Variants in THSD7B observed in about 807,000 individuals in gnomAD.
THSD7B encodes thrombospondin type-1 domain-containing protein 7B.
Under a neutral mutation model 213.6 loss-of-function variants are expected in THSD7B, and 138 were observed. The observed-to-expected ratio is 0.65, with a 90% CI of 0.56 to 0.74. THSD7B has a LOEUF of 0.74. Among genes scored for constraint, THSD7B ranks in the 30% least tolerant of loss-of-function variants. The probability of loss-of-function intolerance (pLI) is 0.00; values close to 1 mark genes in which losing one functional copy is unlikely to be tolerated. For synonymous variants in THSD7B, 742 were observed against 687.0 expected (o/e 1.08, Z -1.25); for missense variants, 1,931 against 1,991.5 (o/e 0.97, Z 0.58).
chr2:136,864,579 G>T (rs1683303430), intron 1 of THSD7B, among the ~76,000 whole-genome samples: 1 of 150,424 alleles, frequency 6.6e-6, no homozygotes, highest in African/African-American at 2.4e-5. Flanking sequence ...TTGAGACAGA[G>T]TCTCACTCTG....
intron 11 of THSD7B, among the ~76,000 whole-genome samples, chr2:137,273,605 A>G (rs928641029): frequency 2.0e-5 from 3 of 152,110 alleles, no homozygotes; most frequent in African/African-American, 4.8e-5. Context: ...GGGCTAATTT[A>G]TTTGGGAAAA....
intron 10 of THSD7B, among the ~76,000 whole-genome samples, chr2:137,253,848 G>T (rs1384338529): frequency 6.6e-6 from 1 of 152,056 alleles, no homozygotes; most frequent in Non-Finnish European, 1.5e-5. Flanking sequence ...ATTAGAGTGT[G>T]GTTTCCGGAG....
At chr2:137,508,082 C>G (rs181229119) in intron 15 of THSD7B, among the ~76,000 whole-genome samples, 1 of 152,144 alleles carries the variant, frequency 6.6e-6, no homozygotes, top group Non-Finnish European at 1.5e-5. Context: ...ATTAAAATAG[C>G]GACTGGTTTA....
At chr2:137,001,717 A>T (rs1281293263) in intron 2 of THSD7B, among the ~76,000 whole-genome samples, 1 of 152,078 alleles carries the variant, frequency 6.6e-6, no homozygotes, top group East Asian at 1.9e-4. Flanking sequence ...AATATGTTCA[A>T]ATCTTTGACC....
At chr2:136,832,791 C>G (rs1408296159) in intron 1 of THSD7B, among the ~76,000 whole-genome samples, 1 of 152,180 alleles carries the variant, frequency 6.6e-6, no homozygotes, top group Non-Finnish European at 1.5e-5. Flanking sequence ...ATAGTTAAGA[C>G]ACTGAATCTC....
chr2:137,091,720 G>A (rs1207769993), intron 3 of THSD7B, among the ~76,000 whole-genome samples: 1 of 152,002 alleles, frequency 6.6e-6, no homozygotes, highest in Non-Finnish European at 1.5e-5. Context: ...ATTGGATTAA[G>A]GCCTACCCTA....
intron 2 of THSD7B, among the ~76,000 whole-genome samples, chr2:136,967,337 A>G (rs1212483767): frequency 6.6e-6 from 1 of 152,150 alleles, no homozygotes; most frequent in Non-Finnish European, 1.5e-5. Context: ...TATCCTACCA[A>G]TCACCTGAAT....
intron 2 of THSD7B, among the ~76,000 whole-genome samples, chr2:137,022,912 T>G (rs867926072): frequency 6.6e-6 from 1 of 152,178 alleles, no homozygotes; most frequent in South Asian, 2.1e-4. Context: ...AATATTTAAA[T>G]GAATAAGCAT....
At chr2:137,310,765 C>T (rs1343464997) in intron 12 of THSD7B, among the ~76,000 whole-genome samples, 6 of 151,930 alleles carry the variant, frequency 3.9e-5, no homozygotes, top group African/African-American at 1.4e-4. Context: ...ATAGGGAATC[C>T]TTTCCCCATT....
chr2:137,005,815 T>TA (rs1485895811), intron 2 of THSD7B, among the ~76,000 whole-genome samples: 1 of 152,146 alleles, frequency 6.6e-6, no homozygotes, highest in Non-Finnish European at 1.5e-5. Flanking sequence ...TAAAATAAAA[T>TA]AAAAAATAAT....
At chr2:137,587,247 T>TTCAA in intron 17 of THSD7B, among the ~76,000 whole-genome samples, 1 of 152,344 alleles carries the variant, frequency 6.6e-6, no homozygotes, top group East Asian at 1.9e-4. Context: ...CTAATCTTTT[T>TTCAA]TCAAGGTTTT....
intron 6 of THSD7B, among the ~76,000 whole-genome samples, chr2:137,162,320 A>G (rs1680034727): frequency 6.6e-6 from 1 of 152,072 alleles, no homozygotes; most frequent in Admixed American, 6.5e-5. Context: ...TGTCTTTTCC[A>G]TTGGTCCCCG....
intron 15 of THSD7B, among the ~76,000 whole-genome samples, chr2:137,531,722 G>T (rs920014852): frequency 2.6e-5 from 4 of 151,966 alleles, no homozygotes; most frequent in Non-Finnish European, 2.9e-5. Context: ...GCAAGGGCTA[G>T]AGGTAAACTT....
At chr2:137,208,130 T>G (rs1321837035) in intron 7 of THSD7B, among the ~76,000 whole-genome samples, 1 of 152,098 alleles carries the variant, frequency 6.6e-6, no homozygotes, top group African/African-American at 2.4e-5. Flanking sequence ...TTTCCAGAAC[T>G]TATATACCTT....
At chr2:136,850,047 C>T (rs539671863) in intron 1 of THSD7B, among the ~76,000 whole-genome samples, 1 of 152,018 alleles carries the variant, frequency 6.6e-6, no homozygotes, top group Non-Finnish European at 1.5e-5. Flanking sequence ...TCTATCACTG[C>T]ATATATATGC....
Position 137,272,552 on chromosome 2 carries a change from G to A in THSD7B, c.2286G>A (p.Gln762=), listed in dbSNP as rs199815063. ...MCQAGNATVK[Q]SRYRIIIQEA... ...CTTCAGGAAATGCCACAGTAAAACA[G>A]TCTCGATACAGAATCATCATCCAAG... Residue 762 remains glutamine, a synonymous_variant, in exon 11 of 28, where the codon CAG becomes CAA. Coordinates refer to ENST00000409968, the MANE Select transcript of THSD7B (RefSeq NM_001316349.2). The A allele has an allele frequency of 1.1e-4, 171 of 1,610,584 alleles. No homozygotes were observed. Among genetic ancestry groups the A allele is most frequent in the East Asian group, 2.2e-4 (10 of 44,712 alleles).
chr2:137,287,913 C>G (rs1051276827), intron 12 of THSD7B, among the ~76,000 whole-genome samples: 1 of 152,178 alleles, frequency 6.6e-6, no homozygotes, highest in Admixed American at 6.5e-5. Flanking sequence ...ATTTCAAAGT[C>G]TACTGCAAAC....
At chr2:137,028,454 T>C (rs1686595211) in intron 2 of THSD7B, among the ~76,000 whole-genome samples, 1 of 152,192 alleles carries the variant, frequency 6.6e-6, no homozygotes, top group Admixed American at 6.5e-5. Flanking sequence ...TCATTGTTGC[T>C]CCAGAATGTA....
intron 7 of THSD7B, among the ~76,000 whole-genome samples, chr2:137,184,315 C>A (rs1054683196): frequency 2.6e-5 from 4 of 152,092 alleles, no homozygotes; most frequent in Non-Finnish European, 5.9e-5. Flanking sequence ...CTTAATGGCC[C>A]CTCTTCTTAA....
Sources: allele counts gnomAD v4.1 joint callset (sites outside exome capture counted in the v4.1 genomes callset), GRCh38; gene constraint gnomAD v4.1.1; transcripts MANE v1.5; gene names NCBI Gene and HGNC (gene_info 2026-07-23, HGNC 2026-07-21).